The following OPRM1 variants were observed in gnomAD, a reference collection of about 807,000 sequenced individuals.
The protein encoded by OPRM1 is opioid receptor mu 1.
A neutral mutation model predicts 31.8 loss-of-function variants in OPRM1; 27 were observed. The observed-to-expected ratio is 0.85, with a 90% CI of 0.63 to 1.17. The LOEUF (loss-of-function observed/expected upper bound fraction) is 1.17, where lower values mean the gene tolerates loss of function less well. Among genes scored for constraint, OPRM1 ranks in the 50% most tolerant of loss-of-function variants. The pLI, the probability that OPRM1 is intolerant of heterozygous loss-of-function variation, is 0.00. For missense variants in OPRM1, 536 were observed against 511.1 expected (o/e 1.05, Z -0.47); for synonymous variants, 196 against 189.9 (o/e 1.03, Z -0.26).
chr6:154,171,018 A>C (rs1160834386), intron 3 of OPRM1, among the ~76,000 whole-genome samples: 3 of 152,192 alleles, frequency 2.0e-5, no homozygotes, highest in African/African-American at 7.2e-5. Context: ...CTACAGGTGC[A>C]TGCCACCATG....
At chr6:154,108,938 T>C in intron 3 of OPRM1, 1 of 985,074 alleles carries the variant, frequency 1.0e-6, no homozygotes, top group Non-Finnish European at 1.2e-6. Context: ...AAACATAGAA[T>C]GTGAGAGGTA....
chr6:154,078,391 C>A (rs1276307001), intron 1 of OPRM1, among the ~76,000 whole-genome samples: 1 of 152,128 alleles, frequency 6.6e-6, no homozygotes, highest in African/African-American at 2.4e-5. Context: ...AGGTCTGTTA[C>A]CCTTAACACC....
At chr6:154,191,274 A>C (rs1801857093) in intron 3 of OPRM1, among the ~76,000 whole-genome samples, 1 of 152,268 alleles carries the variant, frequency 6.6e-6, no homozygotes, top group Admixed American at 6.5e-5. Flanking sequence ...AGCACAGGGG[A>C]TATTTTTTAC....
At chr6:154,160,090 T>C (rs1461185983) in intron 3 of OPRM1, 13 of 1,394,860 alleles carry the variant, frequency 9.3e-6, no homozygotes, top group Non-Finnish European at 1.3e-5. Flanking sequence ...AGTGTCTTAA[T>C]TTACATAAAC....
chr6:154,245,742 ACT>A (rs1309547763), intron 3 of OPRM1, among the ~76,000 whole-genome samples: 1 of 151,898 alleles, frequency 6.6e-6, no homozygotes, highest in Non-Finnish European at 1.5e-5. Flanking sequence ...AGGGACTCAC[ACT>A]CTCCTGAGAG....
intron 3 of OPRM1, chr6:154,093,265 T>G (rs1223057267): frequency 6.2e-7 from 1 of 1,610,054 alleles, no homozygotes; most frequent in South Asian, 1.1e-5. Flanking sequence ...CTCTTTCTCC[T>G]TTAGTGCCTA....
At chr6:154,138,267 GT>G (rs1798109366) in intron 3 of OPRM1, among the ~76,000 whole-genome samples, 1 of 151,946 alleles carries the variant, frequency 6.6e-6, no homozygotes. Context: ...AAGTCACGCA[GT>G]TTTTTAACAA....
intron 1 of OPRM1, among the ~76,000 whole-genome samples, chr6:154,021,837 A>T (rs367836410): frequency 6.6e-6 from 1 of 151,508 alleles, no homozygotes; most frequent in Non-Finnish European, 1.5e-5. Context: ...TAGCTCCAGG[A>T]GGGTTTTCTC....
At chr6:154,111,350 A>T (rs189378573) in intron 3 of OPRM1, among the ~76,000 whole-genome samples, 2 of 152,320 alleles carry the variant, frequency 1.3e-5, no homozygotes, top group Non-Finnish European at 2.9e-5. Context: ...TCAAACTCTG[A>T]TTGGCTTCAA....
chr6:154,058,879 C>T (rs931357873), intron 1 of OPRM1, among the ~76,000 whole-genome samples: 9 of 152,114 alleles, frequency 5.9e-5, no homozygotes, highest in Non-Finnish European at 1.2e-4. Context: ...CTATTACAGA[C>T]AGGAAAAATA....
intron 3 of OPRM1, among the ~76,000 whole-genome samples, chr6:154,103,601 G>T (rs1386755632): frequency 1.3e-5 from 2 of 152,118 alleles, no homozygotes; most frequent in African/African-American, 4.8e-5. Flanking sequence ...AGAAAGTAAA[G>T]AAATAAAAGA....
intron 3 of OPRM1, among the ~76,000 whole-genome samples, chr6:154,196,691 G>C (rs146763190): frequency 2.0e-5 from 3 of 152,262 alleles, no homozygotes; most frequent in African/African-American, 7.2e-5. Flanking sequence ...GAGGAGCACA[G>C]GGTAAAATTG....
intron 3 of OPRM1, among the ~76,000 whole-genome samples, chr6:154,191,218 G>C (rs866170425): frequency 6.6e-6 from 1 of 152,192 alleles, no homozygotes; most frequent in African/African-American, 2.4e-5. Flanking sequence ...AAAAAGATGA[G>C]AGGTTGTCAG....
chr6:154,174,167 A>C (rs577567281), intron 3 of OPRM1, among the ~76,000 whole-genome samples: 1 of 152,326 alleles, frequency 6.6e-6, no homozygotes, highest in Admixed American at 6.5e-5. Context: ...GAGCTCCTGA[A>C]GGAAGTACTA....
intron 3 of OPRM1, among the ~76,000 whole-genome samples, chr6:154,183,966 TG>T (rs35800420): frequency 0.062 from 9,374 of 152,148 alleles, 352 homozygotes; most frequent in African/African-American, 0.085. Context: ...AATTGTTTTG[TG>T]GTCAGAACAT....
chr6:154,226,935 G>A (rs908000992), intron 3 of OPRM1, among the ~76,000 whole-genome samples: 3 of 152,122 alleles, frequency 2.0e-5, no homozygotes, highest in Non-Finnish European at 4.4e-5. Context: ...AGTGGCTCAC[G>A]CCTGTAATCC....
At chr6:154,203,813 C>T (rs1324538704) in intron 3 of OPRM1, among the ~76,000 whole-genome samples, 1 of 152,132 alleles carries the variant, frequency 6.6e-6, no homozygotes, top group Non-Finnish European at 1.5e-5. Flanking sequence ...AAAGAATTGG[C>T]CAGAACCAGC....
chr6:154,216,644 T>C (rs1778418289), intron 3 of OPRM1, among the ~76,000 whole-genome samples: 1 of 151,986 alleles, frequency 6.6e-6, no homozygotes, highest in Non-Finnish European at 1.5e-5. Flanking sequence ...CCAAGGCAGG[T>C]GGATCATGAG....
chr6:154,190,884 G>A (rs756661484), intron 3 of OPRM1, among the ~76,000 whole-genome samples: 6 of 151,968 alleles, frequency 3.9e-5, no homozygotes, highest in Non-Finnish European at 5.9e-5. Context: ...GTGAAACCCC[G>A]TCTCTACTAA....
Sources: gnomAD v4.1 joint callset for allele counts (sites outside exome capture counted in the v4.1 genomes callset) on GRCh38, gnomAD v4.1.1 for gene constraint, MANE v1.5 for transcripts, NCBI Gene and HGNC (gene_info 2026-07-23, HGNC 2026-07-21) for gene names.